UBE4B: variants seen among roughly 807,000 people sequenced by gnomAD.
UBE4B encodes ubiquitination factor E4B, also known as ubiquitin conjugation factor E4 B.
A neutral mutation model predicts 148.1 loss-of-function variants in UBE4B; 27 were observed. The observed-to-expected ratio is 0.18, with a 90% CI of 0.13 to 0.25. UBE4B has a LOEUF of 0.25. Ranked by LOEUF, UBE4B falls within the 10% of genes least tolerant of loss-of-function variation. The probability of loss-of-function intolerance (pLI) is 1.00; values close to 1 mark genes in which losing one functional copy is unlikely to be tolerated. For missense variants in UBE4B, 1,170 were observed against 1,662.4 expected, an observed-to-expected ratio of 0.70 and a Z score of 5.15; for synonymous variants, 596 against 619.3, an observed-to-expected ratio of 0.96 and a Z score of 0.56.
chr1:10,073,252 C>T (rs1363278781), intron 2 of UBE4B: 1 of 152,164 alleles, frequency 6.6e-6, no homozygotes, highest in Admixed American at 6.6e-5. Flanking sequence ...TCAGGCCATA[C>T]CTGGAATGCT....
At chr1:10,070,687 G>A (rs1401576944) in intron 1 of UBE4B, among the ~76,000 whole-genome samples, 2 of 152,142 alleles carry the variant, frequency 1.3e-5, no homozygotes, top group African/African-American at 4.8e-5. Flanking sequence ...CCTGCTGTTA[G>A]TAGGAGTTCA....
chr1:10,081,978 G>A (rs1644690335), intron 2 of UBE4B, among the ~76,000 whole-genome samples: 1 of 152,200 alleles, frequency 6.6e-6, no homozygotes, highest in African/African-American at 2.4e-5. Flanking sequence ...GCCTCCCAAT[G>A]TGTTGGGACT....
chr1:10,052,484 C>T (rs1644070146), intron 1 of UBE4B, among the ~76,000 whole-genome samples: 1 of 152,098 alleles, frequency 6.6e-6, no homozygotes, highest in South Asian at 2.1e-4. Context: ...ATTGAGCACC[C>T]ATCGTGCCAG....
chr1:10,125,890 T>C (rs1377816035), intron 10 of UBE4B, among the ~76,000 whole-genome samples: 1 of 152,236 alleles, frequency 6.6e-6, no homozygotes, highest in East Asian at 1.9e-4. Flanking sequence ...TCTTTGTAAA[T>C]TTCAACATTT....
rs746047995 is a variant in UBE4B, at chr1:10,119,631, G to A, written c.1439+18G>A. 8 of 1,607,364 alleles carry A rather than the reference G, an allele frequency of 5.0e-6. No individual in the cohort carries two copies. The highest frequency in any genetic ancestry group is 3.3e-5 in the Admixed American group (2 of 59,852). ...CAGCCCAGGTATGAAGACCCGTGACGTGCTTGACATTAGCAGGCAGAGAGC... is the reference window on the plus strand; with the variant it reads ...CAGCCCAGGTATGAAGACCCGTGACATGCTTGACATTAGCAGGCAGAGAGC... On this transcript the variant is annotated intron_variant, in intron 9 of 27. Coordinates refer to ENST00000343090, the MANE Select transcript of UBE4B (RefSeq NM_001105562.3).
intron 24 of UBE4B, among the ~76,000 whole-genome samples, chr1:10,170,368 G>T (rs1646321193): frequency 6.6e-6 from 1 of 152,124 alleles, no homozygotes; most frequent in Non-Finnish European, 1.5e-5. Flanking sequence ...TGTTGAATTT[G>T]TATAAATCCA....
chr1:10,102,804 C>G, intron 4 of UBE4B, 144 bp from the exon 5 acceptor site: 2 of 811,368 alleles, frequency 2.5e-6, no homozygotes, highest in Non-Finnish European at 3.7e-6. Context: ...GCTTACTTTT[C>G]CCCTAATCAG....
intron 1 of UBE4B, among the ~76,000 whole-genome samples, chr1:10,037,932 A>G (rs1039094280): frequency 1.3e-5 from 2 of 152,154 alleles, no homozygotes; most frequent in African/African-American, 4.8e-5. Context: ...ACTCTTCTTT[A>G]TGACCTAGTT....
At chr1:10,077,745 A>T (rs1644608413) in intron 2 of UBE4B, among the ~76,000 whole-genome samples, 1 of 152,212 alleles carries the variant, frequency 6.6e-6, no homozygotes, top group Non-Finnish European at 1.5e-5. Context: ...GCAGAATTTT[A>T]AAAATCCTCA....
intron 23 of UBE4B, among the ~76,000 whole-genome samples, chr1:10,166,970 CAAAAAA>C (rs796133568): frequency 5.3e-5 from 7 of 133,188 alleles, no homozygotes; most frequent in South Asian, 2.3e-4. Context: ...CACACACACA[CAAAAAA>C]AAAAAATTAG....
intron 7 of UBE4B, among the ~76,000 whole-genome samples, chr1:10,114,100 GT>G (rs1645267292): frequency 6.7e-6 from 1 of 149,648 alleles, no homozygotes; most frequent in Non-Finnish European, 1.5e-5. Context: ...AAAAAGATGC[GT>G]TTCTTCCCAG....
At chr1:10,101,242 A>G (rs41280792) in intron 4 of UBE4B, 47 bp downstream of exon 4, 34,427 of 1,575,074 alleles carry the variant, frequency 0.022, 462 homozygotes, top group Non-Finnish European at 0.026. Flanking sequence ...AAATAAACAC[A>G]TTTCATGTCT....
chr1:10,088,292 G>A (rs1311354963), intron 2 of UBE4B, among the ~76,000 whole-genome samples: 3 of 152,132 alleles, frequency 2.0e-5, no homozygotes, highest in Non-Finnish European at 2.9e-5. Flanking sequence ...TTCTAATTCC[G>A]GCTGTTGGTT....
intron 21 of UBE4B, among the ~76,000 whole-genome samples, chr1:10,154,290 T>C (rs1446276358): frequency 1.3e-5 from 2 of 151,842 alleles, no homozygotes; most frequent in Non-Finnish European, 2.9e-5. Context: ...GGGTGACGCA[T>C]GCGTGTAATC....
intron 3 of UBE4B, among the ~76,000 whole-genome samples, chr1:10,096,351 A>G (rs1644927947): frequency 6.6e-6 from 1 of 152,058 alleles, no homozygotes; most frequent in South Asian, 2.1e-4. Context: ...GACTCCTTTC[A>G]TGGTTGAGCA....
At chr1:10,092,605 A>G (rs940612338) in intron 2 of UBE4B, among the ~76,000 whole-genome samples, 19 of 152,118 alleles carry the variant, frequency 1.2e-4, no homozygotes, top group Middle Eastern at 6.8e-3. Flanking sequence ...AGGCAGGTGA[A>G]TCACCTGAGG....
At chr1:10,057,529 G>T (rs1644197509) in intron 1 of UBE4B, among the ~76,000 whole-genome samples, 1 of 147,234 alleles carries the variant, frequency 6.8e-6, no homozygotes, top group Admixed American at 7.0e-5. Context: ...CGCTTCTCCT[G>T]CCTGAGCCTC....
chr1:10,098,277 A>G (rs1277820713), intron 3 of UBE4B, among the ~76,000 whole-genome samples: 2 of 152,238 alleles, frequency 1.3e-5, no homozygotes, highest in African/African-American at 4.8e-5. Flanking sequence ...TATAAATATC[A>G]TCTACCATAT....
intron 15 of UBE4B, among the ~76,000 whole-genome samples, chr1:10,134,372 C>T (rs1227520376): frequency 6.6e-6 from 1 of 151,656 alleles, no homozygotes; most frequent in Non-Finnish European, 1.5e-5. Flanking sequence ...ATTTGCCGGG[C>T]GTGGTGGCGG....
Sources: allele counts gnomAD v4.1 joint callset (sites outside exome capture counted in the v4.1 genomes callset), GRCh38; gene constraint gnomAD v4.1.1; transcripts MANE v1.5; gene names NCBI Gene and HGNC (gene_info 2026-07-23, HGNC 2026-07-21).